The following FRYL variants were observed in gnomAD, a reference collection of about 807,000 sequenced individuals.
FRYL encodes FRY like transcription coactivator.
FRYL carries 150 observed loss-of-function variants against 351.2 expected under a neutral mutation model. The observed-to-expected ratio is 0.43, with a 90% CI of 0.37 to 0.49. The LOEUF (loss-of-function observed/expected upper bound fraction) is 0.49, where lower values mean the gene tolerates loss of function less well. Among genes scored for constraint, FRYL ranks in the 20% least tolerant of loss-of-function variants. FRYL has a pLI of 0.00. For synonymous variants in FRYL, 1,153 were observed against 1,257.1 expected (o/e 0.92, Z 1.75); for missense variants, 3,036 against 3,619.3 (o/e 0.84, Z 4.13).
intron 1 of FRYL, among the ~76,000 whole-genome samples, chr4:48,759,868 C>T (rs1472098284): frequency 2.0e-5 from 3 of 152,182 alleles, no homozygotes; most frequent in Non-Finnish European, 4.4e-5. Context: ...AACTTCAATT[C>T]CATCTGGTGC....
intron 3 of FRYL, among the ~76,000 whole-genome samples, chr4:48,640,589 A>G (rs1490351324): frequency 6.6e-6 from 1 of 152,150 alleles, no homozygotes; most frequent in Non-Finnish European, 1.5e-5. Context: ...GTCATTATAC[A>G]TCTGTCAAAA....
At chr4:48,511,497 T>G (rs1293212210) in intron 57 of FRYL, among the ~76,000 whole-genome samples, 1 of 152,190 alleles carries the variant, frequency 6.6e-6, no homozygotes, top group Non-Finnish European at 1.5e-5. Context: ...TCATAGTAAG[T>G]CAATCAATTA....
chr4:48,616,559 C>T (rs998505988), intron 7 of FRYL, among the ~76,000 whole-genome samples: 7 of 152,144 alleles, frequency 4.6e-5, no homozygotes, highest in African/African-American at 1.7e-4. Flanking sequence ...ATTAATAGTA[C>T]TTGCCATGGC....
At chr4:48,578,838 CCTT>C (rs1203603636) in intron 23 of FRYL, 132 bp downstream of exon 23, 7 of 696,672 alleles carry the variant, frequency 1.0e-5, no homozygotes, top group African/African-American at 1.8e-5. Flanking sequence ...TCTTCTCCCT[CCTT>C]AAGACATCAA....
At chr4:48,645,877 T>C (rs1756367536) in intron 3 of FRYL, 1 of 152,104 alleles carries the variant, frequency 6.6e-6, no homozygotes, top group African/African-American at 2.4e-5. Flanking sequence ...ATTCCAACCA[T>C]ACAAAAGCCC....
rs780455509 is a variant in FRYL, at chr4:48,540,752, G to A, written c.5896C>T (p.Arg1966Trp). 23 of 1,613,724 alleles carry A rather than the reference G, an allele frequency of 1.4e-5. No homozygotes were observed. The highest frequency in any genetic ancestry group is 1.8e-5 in the Non-Finnish European group (21 of 1,179,864). The stretch of plus-strand genomic sequence containing the variant: ...GCTAAACTACTGCTATGGTTTATCC[G>A]TCCATCCATTATATCCAGTGTGTTA... ...RSNTLDIMDG[R>W]INHSSSLART... is the part of the protein sequence containing the mutation. The change falls in exon 46 of 64, where the codon CGG becomes TGG. Residue 1966 changes from arginine to tryptophan, a missense_variant. Arg to Trp is a moderately radical substitution (Grantham distance 101). Around this residue, in one of 7 missense-constraint regions of FRYL, gnomAD observed 1,987 missense variants for 2,311.7 expected, o/e 0.86. Coordinates refer to ENST00000358350, the MANE Select transcript of FRYL (RefSeq NM_015030.2).
intron 3 of FRYL, among the ~76,000 whole-genome samples, chr4:48,635,354 T>C (rs1474149044): frequency 6.6e-6 from 1 of 152,190 alleles, no homozygotes; most frequent in South Asian, 2.1e-4. Context: ...CCAGGTGAGA[T>C]CATTGCAACT....
chr4:48,725,526 A>G (rs1276143366), intron 1 of FRYL, among the ~76,000 whole-genome samples: 1 of 152,202 alleles, frequency 6.6e-6, no homozygotes, highest in Non-Finnish European at 1.5e-5. Context: ...AACAATTCAT[A>G]AGTTTTAAAT....
At chr4:48,560,185 GAGAA>G (rs775554626) in intron 33 of FRYL, among the ~76,000 whole-genome samples, 1 of 152,166 alleles carries the variant, frequency 6.6e-6, no homozygotes, top group Non-Finnish European at 1.5e-5. Flanking sequence ...ATTGAATCTG[GAGAA>G]AGAAAGGATC....
At chr4:48,711,972 C>T (rs1230156058) in intron 1 of FRYL, among the ~76,000 whole-genome samples, 1 of 152,196 alleles carries the variant, frequency 6.6e-6, no homozygotes, top group Non-Finnish European at 1.5e-5. Flanking sequence ...TGGAGTGGAC[C>T]TTTAGCAAAC....
At chr4:48,562,381 C>T (rs753565958) in intron 32 of FRYL, among the ~76,000 whole-genome samples, 4 of 152,272 alleles carry the variant, frequency 2.6e-5, no homozygotes, top group Non-Finnish European at 5.9e-5. Context: ...GAATCCTATT[C>T]TTAGCCCTTG....
In FRYL at chr4:48,546,047, A is replaced by G. The variant is rs546786260; in HGVS notation, c.5279+20T>C. 7 of 1,603,262 alleles carry G rather than the reference A, an allele frequency of 4.4e-6. No individual in the cohort carries two copies. Among genetic ancestry groups the G allele is most frequent in the South Asian group, 1.1e-5 (1 of 89,672 alleles). ...ACTTAACACATACACTGCTGGGATGATAAGAGCTGCCAGTGTTACCTTGAG... is the reference window on the plus strand; with the variant it reads ...ACTTAACACATACACTGCTGGGATGGTAAGAGCTGCCAGTGTTACCTTGAG... On this transcript the variant is annotated intron_variant, in intron 42 of 63. Coordinates refer to ENST00000358350, the MANE Select transcript of FRYL (RefSeq NM_015030.2).
rs1560519179 is a variant in FRYL, at chr4:48,515,017, TG to T, written c.7937+10del. 2 of 1,610,400 alleles carry T rather than the reference TG, an allele frequency of 1.2e-6. No individual in the cohort carries two copies. The highest frequency in any genetic ancestry group is 1.7e-6 in the Non-Finnish European group (2 of 1,178,012). The stretch of plus-strand genomic sequence containing the variant: ...CCCCTCACTACAGTGTTTATGATAC[TG>T]TATTCTCACCTAGACAGTCCGGAGA... On this transcript the variant is annotated intron_variant, in intron 56 of 63. Transcript: ENST00000358350.
intron 45 of FRYL, among the ~76,000 whole-genome samples, chr4:48,541,481 G>T (rs1338120048): frequency 6.6e-6 from 1 of 152,166 alleles, no homozygotes; most frequent in Non-Finnish European, 1.5e-5. Flanking sequence ...TTGAAAGAGG[G>T]GATAGATATG....
chr4:48,727,354 G>A (rs1354104993), intron 1 of FRYL: 3 of 152,166 alleles, frequency 2.0e-5, no homozygotes, highest in African/African-American at 7.2e-5. Flanking sequence ...AAGAAATGAG[G>A]TCATAAGGCA....
intron 3 of FRYL, among the ~76,000 whole-genome samples, chr4:48,678,527 A>AAT (rs1764119918): frequency 1.3e-5 from 2 of 151,064 alleles, no homozygotes; most frequent in African/African-American, 2.4e-5. Flanking sequence ...AAAAAAAAAA[A>AAT]AAAATAGAGA....
intron 3 of FRYL, among the ~76,000 whole-genome samples, chr4:48,671,722 G>T (rs1193309681): frequency 1.3e-5 from 2 of 151,468 alleles, no homozygotes; most frequent in Admixed American, 1.3e-4. Flanking sequence ...GCCTGGTGGT[G>T]CACGTCTGTA....
intron 19 of FRYL, among the ~76,000 whole-genome samples, chr4:48,584,040 A>G (rs1741533761): frequency 6.6e-6 from 1 of 152,186 alleles, no homozygotes; most frequent in African/African-American, 2.4e-5. Context: ...TTTGAATATA[A>G]TTTTAGTTAC....
chr4:48,584,267 C>T (rs1421739494), intron 19 of FRYL, among the ~76,000 whole-genome samples: 1 of 152,138 alleles, frequency 6.6e-6, no homozygotes, highest in Non-Finnish European at 1.5e-5. Flanking sequence ...ATATTAAACA[C>T]AATTATATGC....
Sources: gnomAD v4.1 joint callset for allele counts (sites outside exome capture counted in the v4.1 genomes callset) on GRCh38, gnomAD v4.1.1 for gene constraint, gnomAD v4.1.1 regional missense constraint, MANE v1.5 for transcripts, NCBI Gene and HGNC (gene_info 2026-07-23, HGNC 2026-07-21) for gene names.